Variants in NOS1AP observed in about 807,000 individuals in gnomAD.
The protein encoded by NOS1AP is nitric oxide synthase 1 adaptor protein, also known as carboxyl-terminal PDZ ligand of neuronal nitric oxide synthase protein.
A neutral mutation model predicts 56.2 loss-of-function variants in NOS1AP; 21 were observed. The ratio of observed to expected loss-of-function variants is 0.37; its 90% CI spans 0.26 to 0.54. NOS1AP has a LOEUF of 0.54. Among genes scored for constraint, NOS1AP ranks in the 20% least tolerant of loss-of-function variants. The pLI, the probability that NOS1AP is intolerant of heterozygous loss-of-function variation, is 0.84. For synonymous variants in NOS1AP, 270 were observed against 274.6 expected, an observed-to-expected ratio of 0.98 and a Z score of 0.17; for missense variants, 522 against 657.8, an observed-to-expected ratio of 0.79 and a Z score of 2.26.
intron 1 of NOS1AP, among the ~76,000 whole-genome samples, chr1:162,116,281 G>A (rs577156167): frequency 1.3e-5 from 2 of 152,298 alleles, no homozygotes; most frequent in South Asian, 4.1e-4. Context: ...TTGATGCCCT[G>A]TGGGAGATTC....
intron 1 of NOS1AP, among the ~76,000 whole-genome samples, chr1:162,103,554 T>C (rs1349663219): frequency 6.6e-6 from 1 of 152,190 alleles, no homozygotes; most frequent in Non-Finnish European, 1.5e-5. Flanking sequence ...CCACGACTAC[T>C]CTGTGGGAGT....
intron 1 of NOS1AP, among the ~76,000 whole-genome samples, chr1:162,121,494 C>T (rs12140791): frequency 0.05 from 7,549 of 152,136 alleles, 255 homozygotes; most frequent in Middle Eastern, 0.082. Context: ...CTCCAAATGT[C>T]ACAGCTGGTA....
At chr1:162,114,406 A>T (rs1259013951) in intron 1 of NOS1AP, among the ~76,000 whole-genome samples, 1 of 152,190 alleles carries the variant, frequency 6.6e-6, no homozygotes, top group Non-Finnish European at 1.5e-5. Flanking sequence ...GGGGAACTTC[A>T]GCTCTGTCCT....
intron 1 of NOS1AP, among the ~76,000 whole-genome samples, chr1:162,076,296 A>G (rs1289809028): frequency 6.6e-6 from 1 of 152,068 alleles, no homozygotes; most frequent in Admixed American, 6.6e-5. Context: ...CTACCCTGCA[A>G]ACTTGATCTT....
At chr1:162,138,382 G>A (rs1649092932) in intron 1 of NOS1AP, among the ~76,000 whole-genome samples, 2 of 152,088 alleles carry the variant, frequency 1.3e-5, no homozygotes, top group Non-Finnish European at 2.9e-5. Context: ...TGTGGAGATG[G>A]GTGGGAGGAG....
chr1:162,211,967 T>C (rs924168761), intron 2 of NOS1AP, among the ~76,000 whole-genome samples: 2 of 152,148 alleles, frequency 1.3e-5, no homozygotes, highest in African/African-American at 4.8e-5. Context: ...AAGTTCAGAT[T>C]GTTGGTATGA....
intron 1 of NOS1AP, among the ~76,000 whole-genome samples, chr1:162,128,437 A>G (rs760278107): frequency 2.6e-5 from 4 of 152,188 alleles, no homozygotes; most frequent in South Asian, 2.1e-4. Context: ...CTATTCTCCT[A>G]TAGTTCAATT....
At chr1:162,243,705 T>A (rs10399680) in intron 2 of NOS1AP, among the ~76,000 whole-genome samples, 3 of 151,982 alleles carry the variant, frequency 2.0e-5, no homozygotes, top group African/African-American at 7.3e-5. Context: ...CTTCCTTAAT[T>A]AATGTTTCTA....
intron 1 of NOS1AP, among the ~76,000 whole-genome samples, chr1:162,081,519 A>G (rs911350043): frequency 2.0e-5 from 3 of 147,506 alleles, no homozygotes; most frequent in African/African-American, 7.5e-5. Context: ...TTCAATGCCC[A>G]TGCCCTTTTC....
At chr1:162,238,697 T>C (rs1653384082) in intron 2 of NOS1AP, among the ~76,000 whole-genome samples, 1 of 152,240 alleles carries the variant, frequency 6.6e-6, no homozygotes, top group Non-Finnish European at 1.5e-5. Context: ...GGTACTCTTC[T>C]AAGTATCTGA....
At chr1:162,282,222 A>G (rs893407804) in intron 2 of NOS1AP, among the ~76,000 whole-genome samples, 1 of 152,198 alleles carries the variant, frequency 6.6e-6, no homozygotes, top group South Asian at 2.1e-4. Context: ...TCTTGCAAAG[A>G]TGAAACTCTG....
At chr1:162,138,021 A>G (rs905626144) in intron 1 of NOS1AP, among the ~76,000 whole-genome samples, 2 of 152,176 alleles carry the variant, frequency 1.3e-5, no homozygotes, top group East Asian at 3.9e-4. Context: ...TAAATGTTAA[A>G]TGTAACCCCA....
chr1:162,163,555 G>A (rs943340859), intron 2 of NOS1AP, among the ~76,000 whole-genome samples: 8 of 152,164 alleles, frequency 5.3e-5, no homozygotes, highest in Non-Finnish European at 1.2e-4. Context: ...GACTGTTGCG[G>A]AAGGCTTCTG....
chr1:162,150,592 G>C (rs888853980), intron 1 of NOS1AP, among the ~76,000 whole-genome samples: 2 of 152,046 alleles, frequency 1.3e-5, no homozygotes, highest in Non-Finnish European at 2.9e-5. Flanking sequence ...AGTATACGAG[G>C]GTTCTTTTTT....
chr1:162,177,610 T>G (rs778715417), intron 2 of NOS1AP, among the ~76,000 whole-genome samples: 13 of 152,240 alleles, frequency 8.5e-5, no homozygotes, highest in Non-Finnish European at 1.6e-4. Flanking sequence ...TTTTATTTAC[T>G]TATTTATTTT....
chr1:162,331,131 A>C (rs1028459406), intron 4 of NOS1AP, among the ~76,000 whole-genome samples: 2 of 152,126 alleles, frequency 1.3e-5, no homozygotes, highest in African/African-American at 4.8e-5. Context: ...ACAATTGTAG[A>C]TTTGTCCCTT....
At chr1:162,087,694 C>T (rs554996801) in intron 1 of NOS1AP, among the ~76,000 whole-genome samples, 1 of 152,264 alleles carries the variant, frequency 6.6e-6, no homozygotes, top group African/African-American at 2.4e-5. Context: ...AGACCATCCC[C>T]CTTTACCCAG....
chr1:162,265,271 A>G (rs887134668), intron 2 of NOS1AP, among the ~76,000 whole-genome samples: 8 of 150,714 alleles, frequency 5.3e-5, no homozygotes, highest in African/African-American at 2.0e-4. Context: ...GTACATGTGC[A>G]CAATGTGCAG....
chr1:162,172,430 G>A (rs1056328763), intron 2 of NOS1AP, among the ~76,000 whole-genome samples: 4 of 152,194 alleles, frequency 2.6e-5, no homozygotes, highest in Admixed American at 2.6e-4. Context: ...AGTCTGGAGT[G>A]GGGGATGTGG....
Sources: gnomAD v4.1 joint callset for allele counts (sites outside exome capture counted in the v4.1 genomes callset) on GRCh38, gnomAD v4.1.1 for gene constraint, MANE v1.5 for transcripts, NCBI Gene and HGNC (gene_info 2026-07-23, HGNC 2026-07-21) for gene names.